The following BTAF1 variants were observed in gnomAD, a reference collection of about 807,000 sequenced individuals.
The protein encoded by BTAF1 is B-TFIID TATA-box binding protein associated factor 1.
Under a neutral mutation model 227.1 loss-of-function variants are expected in BTAF1, and 38 were observed. The ratio of observed to expected loss-of-function variants is 0.17; its 90% confidence interval spans 0.13 to 0.22. The LOEUF is 0.22. BTAF1 is among the 10% of genes least tolerant of loss of function. BTAF1 has a pLI of 1.00. For missense variants in BTAF1, 1,598 were observed against 2,204.0 expected (o/e 0.73, Z 5.51); for synonymous variants, 742 against 751.9 (o/e 0.99, Z 0.21).
chr10:91,929,895 C>A (rs1333399760), intron 1 of BTAF1, among the ~76,000 whole-genome samples: 2 of 152,000 alleles, frequency 1.3e-5, no homozygotes, highest in Non-Finnish European at 2.9e-5. Context: ...ACAGAAGGAA[C>A]TATTGTAAAT....
chr10:91,995,866 A>C (rs1020571034), intron 23 of BTAF1, among the ~76,000 whole-genome samples: 1 of 152,176 alleles, frequency 6.6e-6, no homozygotes, highest in East Asian at 1.9e-4. Context: ...TGCTGTTGTG[A>C]TTATAACACC....
At chr10:91,964,631 C>T (rs376513071) in intron 13 of BTAF1, among the ~76,000 whole-genome samples, 52 of 152,144 alleles carry the variant, frequency 3.4e-4, no homozygotes, top group African/African-American at 1.2e-3. Context: ...GTCTTCAACT[C>T]TTGTTCTTGA....
chr10:92,011,373 G>T lies in BTAF1; in HGVS notation c.4269G>T (p.Leu1423=). Residue 1423 remains leucine, a synonymous_variant, in exon 30 of 38, where the codon CTG becomes CTT. Transcript: ENST00000265990. Reference sequence around the variant, plus strand: ...AGTTGTCAAAAGCAGTAAAACAACTGACTGCTAATTATAGGATTATTCTTT... The same window carrying T: ...AGTTGTCAAAAGCAGTAAAACAACTTACTGCTAATTATAGGATTATTCTTT... ...KTKLSKAVKQ[L]TANYRIILSG... 1 of 1,482,164 alleles carries T rather than the reference G, an allele frequency of 6.7e-7. No homozygotes were observed. Among genetic ancestry groups the T allele is most frequent in the South Asian group, 1.5e-5 (1 of 67,252 alleles). The allele number at this position is 1,482,164 out of a possible 1,614,324, so 91.8% of individuals were successfully genotyped here. A position where few individuals can be genotyped will look rare whatever the true frequency, so the allele number is the denominator to read the frequency against.
At chr10:91,964,462 T>C (rs1422874482) in intron 13 of BTAF1, among the ~76,000 whole-genome samples, 1 of 152,176 alleles carries the variant, frequency 6.6e-6, no homozygotes, top group Non-Finnish European at 1.5e-5. Flanking sequence ...AATTGTTTAC[T>C]TAGAAATATA....
At chr10:92,000,815 A>C (rs548678863) in intron 25 of BTAF1, among the ~76,000 whole-genome samples, 11 of 152,182 alleles carry the variant, frequency 7.2e-5, no homozygotes, top group Non-Finnish European at 1.6e-4. Flanking sequence ...CAGCCTCTCA[A>C]AGTGCTGGGA....
intron 14 of BTAF1, 31 bp downstream of exon 14, chr10:91,966,788 A>G (rs1270245712): frequency 6.3e-7 from 1 of 1,579,476 alleles, no homozygotes; most frequent in South Asian, 1.2e-5. Context: ...CAGTCTTGAA[A>G]CTTATATAAA....
intron 16 of BTAF1, 78 bp downstream of exon 16, chr10:91,981,870 G>T (rs905932190): frequency 6.8e-7 from 1 of 1,464,796 alleles, no homozygotes; most frequent in Non-Finnish European, 9.1e-7. Context: ...TTAAAAATCT[G>T]TATTGCCTTA....
chr10:92,016,238 G>C (rs1256156413), intron 32 of BTAF1, 102 bp from the exon 33 acceptor site: 2 of 1,375,112 alleles, frequency 1.5e-6, no homozygotes, highest in Non-Finnish European at 2.0e-6. Flanking sequence ...ATTAATGAGG[G>C]CTGATTTAAA....
intron 18 of BTAF1, 146 bp from the exon 19 acceptor site, chr10:91,984,055 G>A: frequency 4.4e-6 from 3 of 687,320 alleles, no homozygotes; most frequent in Non-Finnish European, 7.1e-6. Context: ...TTTTTTCTGT[G>A]CAATTAACTG....
chr10:91,960,218 C>G, intron 11 of BTAF1, 64 bp downstream of exon 11: 1 of 1,495,068 alleles, frequency 6.7e-7, no homozygotes, highest in Non-Finnish European at 9.0e-7. Context: ...TTTATTTTCA[C>G]TAATTAGACG....
intron 34 of BTAF1, among the ~76,000 whole-genome samples, chr10:92,021,385 T>G (rs970606040): frequency 2.6e-5 from 4 of 152,286 alleles, no homozygotes; most frequent in African/African-American, 7.2e-5. Context: ...GAGTTTGATT[T>G]GATGGCAAAT....
chr10:91,966,987 C>T (rs546211714), intron 14 of BTAF1, among the ~76,000 whole-genome samples: 1 of 152,262 alleles, frequency 6.6e-6, no homozygotes, highest in East Asian at 1.9e-4. Context: ...CATAGGAAGT[C>T]CTCAGTAAAT....
At chr10:91,959,740 G>GTGTGTATA (rs1239373067) in intron 9 of BTAF1, 45 bp from the exon 10 acceptor site, 10 of 226,550 alleles carry the variant, frequency 4.4e-5, no homozygotes, top group Non-Finnish European at 4.6e-5. Context: ...GTGTGTGTGT[G>GTGTGTATA]TATATATATA....
At chr10:91,938,975 C>CA (rs58534811) in intron 2 of BTAF1, among the ~76,000 whole-genome samples, 1,810 of 89,358 alleles carry the variant, frequency 0.02, 36 homozygotes, top group African/African-American at 0.057. Flanking sequence ...TCCATTTCTG[C>CA]AAAAAAAAAA....
chr10:92,022,865 A>C (rs767938208), intron 34 of BTAF1, among the ~76,000 whole-genome samples: 3 of 152,230 alleles, frequency 2.0e-5, no homozygotes, highest in Non-Finnish European at 2.9e-5. Flanking sequence ...AGACTTGTTT[A>C]TTTGGAGGAA....
intron 25 of BTAF1, among the ~76,000 whole-genome samples, chr10:92,003,756 A>G (rs1467120416): frequency 1.3e-5 from 2 of 152,206 alleles, no homozygotes; most frequent in Non-Finnish European, 2.9e-5. Flanking sequence ...TTTCCTTTGG[A>G]TATATAACCA....
At chr10:91,964,247 C>T in intron 13 of BTAF1, 46 bp downstream of exon 13, 1 of 1,571,638 alleles carries the variant, frequency 6.4e-7, no homozygotes, top group South Asian at 1.1e-5. Flanking sequence ...TCTTTACATA[C>T]CTTTCGAGAT....
chr10:91,956,958 C>T (rs562885586), intron 7 of BTAF1, among the ~76,000 whole-genome samples: 1 of 152,048 alleles, frequency 6.6e-6, no homozygotes, highest in South Asian at 2.1e-4. Context: ...CCACCGCACT[C>T]TAGCCTGGCC....
intron 24 of BTAF1, 31 bp from the exon 25 acceptor site, chr10:91,997,572 C>A: frequency 6.2e-7 from 1 of 1,600,334 alleles, no homozygotes; most frequent in South Asian, 1.1e-5. Flanking sequence ...GTCTTGGAAC[C>A]ATTTCAAAAT....
Sources: gnomAD v4.1 joint callset for allele counts (sites outside exome capture counted in the v4.1 genomes callset) on GRCh38, gnomAD v4.1.1 for gene constraint, MANE v1.5 for transcripts, NCBI Gene and HGNC (gene_info 2026-07-23, HGNC 2026-07-21) for gene names.